The following SLC5A9 variants were observed in gnomAD, a reference collection of about 807,000 sequenced individuals.
The protein encoded by SLC5A9 is solute carrier family 5 member 9.
In SLC5A9, 59 loss-of-function variants were observed where a neutral mutation model predicts 70.9. That is an observed-to-expected ratio of 0.83 (90% CI 0.68 to 1.03). The LOEUF (loss-of-function observed/expected upper bound fraction) is 1.03, where lower values mean the gene tolerates loss of function less well. SLC5A9 is among the 50% of genes least tolerant of loss of function. SLC5A9 has a pLI of 0.00. For missense variants in SLC5A9, 832 were observed against 881.1 expected, an observed-to-expected ratio of 0.94 and a Z score of 0.71; for synonymous variants, 340 against 346.5, an observed-to-expected ratio of 0.98 and a Z score of 0.21.
chr1:48,244,897 T>C (rs1335100447), intron 13 of SLC5A9, among the ~76,000 whole-genome samples: 1 of 110,646 alleles, frequency 9.0e-6, no homozygotes, highest in East Asian at 2.9e-4. Flanking sequence ...TATATATATA[T>C]ATATATATAT....
intron 2 of SLC5A9, among the ~76,000 whole-genome samples, chr1:48,227,511 G>A (rs920970820): frequency 6.8e-6 from 1 of 147,704 alleles, no homozygotes; most frequent in Non-Finnish European, 1.5e-5. Context: ...CAGAGTGTGT[G>A]TAATTGCATG....
chr1:48,222,821 T>G lies in SLC5A9; in HGVS notation c.85T>G (p.Ser29Ala). 6.2e-7 allele frequency: 1 copy of G among 1,613,426 alleles called. No homozygotes were observed. Among genetic ancestry groups the G allele is most frequent in the Non-Finnish European group, 8.5e-7 (1 of 1,179,426 alleles). ...GACAGCTCCACACATAGCACTGGAC[T>G]CCAGAGTTGGTCTGCACGCCTACGA... The part of the protein sequence containing the change: ...TETAPHIALD[S>A]RVGLHAYDIS... Residue 29 changes from serine to alanine, a missense_variant, in exon 1 of 14, where the codon TCC becomes GCC. Transcript: ENST00000438567.
intron 9 of SLC5A9, among the ~76,000 whole-genome samples, chr1:48,235,190 A>G (rs1240195729): frequency 6.6e-6 from 1 of 152,214 alleles, no homozygotes; most frequent in Non-Finnish European, 1.5e-5. Flanking sequence ...CAAGGATCAT[A>G]CATACAGCTG....
chr1:48,240,932 C>A, intron 12 of SLC5A9, among the ~76,000 whole-genome samples: 1 of 152,220 alleles, frequency 6.6e-6, no homozygotes, highest in Non-Finnish European at 1.5e-5. Context: ...AGGTCATGTT[C>A]CTGTCTTTAA....
At chr1:48,224,638 C>A (rs778423758) in intron 1 of SLC5A9, 86 bp from the exon 2 acceptor site, 71 of 1,369,972 alleles carry the variant, frequency 5.2e-5, no homozygotes, top group Middle Eastern at 1.8e-4. Context: ...GTGCCTGCAC[C>A]GAGGGGAAGG....
At chr1:48,240,748 C>T (rs578156286) in intron 12 of SLC5A9, among the ~76,000 whole-genome samples, 2 of 152,260 alleles carry the variant, frequency 1.3e-5, no homozygotes, top group South Asian at 2.1e-4. Context: ...GTTCCTGCTG[C>T]CTCCCTCTCC....
Position 48,247,372 on chromosome 1 carries a change from G to C in SLC5A9, c.1875G>C (p.Trp625Cys). ...CCTGGGGAAAGTTGCTCTGGAGCTG[G>C]TTCTGTGGGCTCTCTGGAACACCGG... ...SRSWGKLLWS[W>C]FCGLSGTPEQ... Residue 625 changes from tryptophan to cysteine, a missense_variant, in exon 14 of 14, where the codon TGG (tryptophan) becomes TGC (cysteine). Physicochemically the swap from Trp to Cys is radical, Grantham distance 215 (BLOSUM62 -2). Coordinates refer to ENST00000438567, the MANE Select transcript of SLC5A9 (RefSeq NM_001011547.3). The C allele has an allele frequency of 1.2e-6, 2 of 1,614,016 alleles. No homozygotes were observed. Among genetic ancestry groups the C allele is most frequent in the Non-Finnish European group, 1.7e-6 (2 of 1,180,006 alleles).
chr1:48,233,135 G>T (rs1557475009), intron 8 of SLC5A9, among the ~76,000 whole-genome samples: 2 of 151,946 alleles, frequency 1.3e-5, no homozygotes. Context: ...GGCTGAGATG[G>T]GCGAATCATG....
At chr1:48,231,804 G>A in intron 6 of SLC5A9, 142 bp from the exon 7 acceptor site, 1 of 1,513,840 alleles carries the variant, frequency 6.6e-7, no homozygotes, top group Non-Finnish European at 8.9e-7. Context: ...CAAGGGTCTT[G>A]AGCCCAAGCC....
At chr1:48,223,035 C>T (rs1644094197) in intron 1 of SLC5A9, 137 bp downstream of exon 1, 8 of 890,562 alleles carry the variant, frequency 9.0e-6, no homozygotes, top group African/African-American at 1.7e-5. Context: ...GAAGGGCCTT[C>T]AGGAATCAGG....
chr1:48,231,873 G>T, intron 6 of SLC5A9, 73 bp from the exon 7 acceptor site: 6 of 1,596,702 alleles, frequency 3.8e-6, no homozygotes, highest in Non-Finnish European at 5.1e-6. Flanking sequence ...GCCCACATGA[G>T]GCTGGGGCTG....
rs767014884 is a variant in SLC5A9, at chr1:48,232,074, G to A, written c.820G>A (p.Val274Met). The A allele has an allele frequency of 1.4e-5, 22 of 1,614,002 alleles. No homozygotes were observed. The highest frequency in any genetic ancestry group is 1.7e-5 in the Non-Finnish European group (20 of 1,179,990). ...PDAFHILRDPVSGDIPWPGLI... is the reference protein window; with the variant it reads ...PDAFHILRDPMSGDIPWPGLI... ...TGCTTTCCACATTCTTCGGGACCCTGTGAGCGGGGACATCCCTTGGCCAGG... is the reference window on the plus strand; with the variant it reads ...TGCTTTCCACATTCTTCGGGACCCTATGAGCGGGGACATCCCTTGGCCAGG... The change falls in exon 7 of 14, where the codon GTG becomes ATG. Residue 274 changes from valine (V) to methionine (M), a missense_variant. By Grantham distance (21) the Val-to-Met change is conservative (BLOSUM62 1). Coordinates refer to ENST00000438567, the MANE Select transcript of SLC5A9 (RefSeq NM_001011547.3).
Position 48,224,734 on chromosome 1 carries a change from G to A in SLC5A9, c.173G>A (p.Arg58His), listed in dbSNP as rs373666109. 88 of 1,613,976 alleles carry A rather than the reference G, an allele frequency of 5.5e-5. No homozygotes were observed. The highest frequency in any genetic ancestry group is 8.9e-5 in the East Asian group (4 of 44,872). Residue 58 changes from arginine (R) to histidine (H), a missense_variant, in exon 2 of 14, where the codon CGT becomes CAT. Physicochemically the swap from Arg to His is conservative, Grantham distance 29. Coordinates refer to ENST00000438567, the MANE Select transcript of SLC5A9 (RefSeq NM_001011547.3). ...VIAVGIWSSI[R>H]ASRGTIGGYF... ...CTATTTCCTTTCCAGTCGTCCATCC[G>A]TGCAAGTCGAGGGACCATTGGCGGC...
intron 13 of SLC5A9, among the ~76,000 whole-genome samples, chr1:48,243,811 C>T (rs1016441961): frequency 6.6e-6 from 1 of 152,028 alleles, no homozygotes; most frequent in East Asian, 1.9e-4. Flanking sequence ...AAATTAAAGT[C>T]CAAAATTAAT....
In SLC5A9 at chr1:48,237,430, G is replaced by A. The variant is rs112404263; in HGVS notation, c.1293-249G>A. ...AGGTGGGTGACATGACCTTGAAGCC[G>A]TCTAATATATAAGTGCCACGGAGGC... On this transcript the variant is annotated intron_variant, in intron 10 of 13. Coordinates refer to ENST00000438567, the MANE Select transcript of SLC5A9 (RefSeq NM_001011547.3). Among the ~76,000 whole-genome samples, 300 of 152,074 alleles carry A rather than the reference G, an allele frequency of 2.0e-3. 5 individuals are homozygous for A. Among genetic ancestry groups the A allele is most frequent in the Non-Finnish European group, 3.7e-4 (25 of 67,984 alleles).
intron 13 of SLC5A9, among the ~76,000 whole-genome samples, chr1:48,243,840 T>G (rs954644594): frequency 1.3e-5 from 2 of 152,226 alleles, no homozygotes; most frequent in African/African-American, 4.8e-5. Context: ...CCCTTGTGAA[T>G]TAAAAATTCA....
Position 48,228,877 on chromosome 1 carries a change from G to A in SLC5A9, c.262G>A (p.Val88Met), listed in dbSNP as rs775102126. ...PIGASLMSSN[V>M]GSGLFIGLAG... ...TGGAGCATCTCTGATGTCCAGCAAT[G>A]TGGGCAGTGGCTTGTTCATCGGCCT... The change falls in exon 3 of 14, where the codon GTG becomes ATG. Residue 88 changes from valine to methionine, a missense_variant. Coordinates refer to ENST00000438567, the MANE Select transcript of SLC5A9 (RefSeq NM_001011547.3). The A allele has an allele frequency of 6.8e-6, 11 of 1,613,754 alleles. No individual in the cohort carries two copies. The highest frequency in any genetic ancestry group is 7.6e-6 in the Non-Finnish European group (9 of 1,179,954).
chr1:48,228,809 C>T, intron 2 of SLC5A9, 41 bp from the exon 3 acceptor site: 1 of 1,606,920 alleles, frequency 6.2e-7, no homozygotes, highest in Non-Finnish European at 8.5e-7. Flanking sequence ...TCATTCAGAT[C>T]ACTCCTGACT....
chr1:48,237,623 C>A (rs1557479442), intron 10 of SLC5A9, 56 bp from the exon 11 acceptor site: 2 of 1,576,696 alleles, frequency 1.3e-6, no homozygotes, highest in South Asian at 1.2e-5. Flanking sequence ...ACCTTCACCC[C>A]ACACCACACC....
Sources: allele counts gnomAD v4.1 joint callset (sites outside exome capture counted in the v4.1 genomes callset), GRCh38; gene constraint gnomAD v4.1.1; transcripts MANE v1.5; gene names NCBI Gene and HGNC (gene_info 2026-07-23, HGNC 2026-07-21).